NRXN1: variants seen among roughly 807,000 people sequenced by gnomAD.
The protein encoded by NRXN1 is neurexin 1.
In NRXN1, 39 loss-of-function variants were observed where a neutral mutation model predicts 150.9. The ratio of observed to expected loss-of-function variants is 0.26; its 90% CI spans 0.20 to 0.34. NRXN1 has a LOEUF of 0.34. Ranked by LOEUF, NRXN1 falls within the 10% of genes least tolerant of loss-of-function variation. The probability of loss-of-function intolerance (pLI) is 1.00; values close to 1 mark genes in which losing one functional copy is unlikely to be tolerated. For synonymous variants in NRXN1, 924 were observed against 757.0 expected (o/e 1.22, Z -3.62); for missense variants, 1,815 against 1,949.9 (o/e 0.93, Z 1.30).
chr2:50,553,314 T>A (rs1667790482), intron 8 of NRXN1, among the ~76,000 whole-genome samples: 1 of 152,358 alleles, frequency 6.6e-6, no homozygotes, highest in African/African-American at 2.4e-5. Flanking sequence ...AAAATCTGCA[T>A]ATATCTTTAA....
chr2:50,562,428 A>G (rs541064111), intron 8 of NRXN1, among the ~76,000 whole-genome samples: 2 of 152,130 alleles, frequency 1.3e-5, no homozygotes, highest in South Asian at 4.1e-4. Flanking sequence ...TGTTTTGGAT[A>G]TACCAATGTT....
intron 2 of NRXN1, among the ~76,000 whole-genome samples, chr2:50,940,638 G>A (rs1172313979): frequency 1.3e-5 from 2 of 152,096 alleles, no homozygotes; most frequent in Non-Finnish European, 2.9e-5. Context: ...CAAGATGAAA[G>A]TTGCATACTC....
intron 5 of NRXN1, among the ~76,000 whole-genome samples, chr2:50,790,369 T>C (rs1705766492): frequency 6.6e-6 from 1 of 152,182 alleles, no homozygotes; most frequent in Non-Finnish European, 1.5e-5. Flanking sequence ...GAGTCTTTCC[T>C]TTCCTCAGGC....
At chr2:50,145,525 G>A (rs140735926) in intron 18 of NRXN1, among the ~76,000 whole-genome samples, 176 of 151,554 alleles carry the variant, frequency 1.2e-3, no homozygotes, top group African/African-American at 4.0e-3. Flanking sequence ...ATATCTTCAC[G>A]CTATCTCCCC....
intron 18 of NRXN1, among the ~76,000 whole-genome samples, chr2:50,217,161 A>G (rs1430946020): frequency 6.6e-6 from 1 of 152,056 alleles, no homozygotes; most frequent in Non-Finnish European, 1.5e-5. Flanking sequence ...ACCTCCTAAT[A>G]CTATTGGTAT....
intron 2 of NRXN1, among the ~76,000 whole-genome samples, chr2:51,008,292 C>A (rs1667337938): frequency 1.3e-5 from 2 of 151,824 alleles, no homozygotes; most frequent in South Asian, 4.1e-4. Flanking sequence ...TACTTTTGAT[C>A]CTTTGTGTAT....
At chr2:50,315,500 A>C (rs1399967673) in intron 17 of NRXN1, among the ~76,000 whole-genome samples, 1 of 152,086 alleles carries the variant, frequency 6.6e-6, no homozygotes, top group Non-Finnish European at 1.5e-5. Context: ...ACACAAAACA[A>C]ATGTGCAATA....
intron 9 of NRXN1, among the ~76,000 whole-genome samples, chr2:50,551,895 A>T (rs1184722007): frequency 6.6e-6 from 1 of 151,920 alleles, no homozygotes; most frequent in Non-Finnish European, 1.5e-5. Flanking sequence ...ATTAGTCAAC[A>T]TCCTAAGCCC....
intron 17 of NRXN1, among the ~76,000 whole-genome samples, chr2:50,465,116 T>C (rs139513749): frequency 1.8e-4 from 28 of 151,918 alleles, no homozygotes; most frequent in Non-Finnish European, 7.4e-5. Context: ...TTATTTAATA[T>C]AAAACAATAT....
intron 8 of NRXN1, among the ~76,000 whole-genome samples, chr2:50,557,623 G>A (rs1668446081): frequency 6.6e-6 from 1 of 152,216 alleles, no homozygotes; most frequent in East Asian, 1.9e-4. Context: ...ACCACATTAA[G>A]GTTACTGTAA....
At chr2:50,069,722 C>T (rs1372878701) in intron 19 of NRXN1, among the ~76,000 whole-genome samples, 1 of 152,132 alleles carries the variant, frequency 6.6e-6, no homozygotes, top group African/African-American at 2.4e-5. Context: ...CAGACACACC[C>T]ACCTCTTATC....
intron 17 of NRXN1, among the ~76,000 whole-genome samples, chr2:50,291,483 A>G (rs926487516): frequency 1.3e-5 from 2 of 152,170 alleles, no homozygotes; most frequent in Non-Finnish European, 2.9e-5. Context: ...CCAGATGTTC[A>G]GCAGTGCATT....
At chr2:50,028,585 T>C (rs1488410314) in intron 21 of NRXN1, among the ~76,000 whole-genome samples, 4 of 152,212 alleles carry the variant, frequency 2.6e-5, no homozygotes, top group African/African-American at 4.8e-5. Flanking sequence ...ATCATCTGGA[T>C]AGGCAATCTC....
chr2:49,956,939 G>A (rs1435611070), intron 21 of NRXN1, among the ~76,000 whole-genome samples: 1 of 152,094 alleles, frequency 6.6e-6, no homozygotes. Context: ...TGAATGGGTA[G>A]GGGAAATTGG....
At chr2:49,943,410 A>G (rs1360779654) in intron 22 of NRXN1, among the ~76,000 whole-genome samples, 1 of 152,178 alleles carries the variant, frequency 6.6e-6, no homozygotes, top group Non-Finnish European at 1.5e-5. Context: ...AGCTCATTAT[A>G]TTGTTACACA....
At chr2:50,781,821 C>T (rs79580423) in intron 5 of NRXN1, among the ~76,000 whole-genome samples, 2,574 of 152,256 alleles carry the variant, frequency 0.017, 29 homozygotes, top group Middle Eastern at 0.041. Context: ...CAATTCGGAT[C>T]TGGCTCTGTG....
At chr2:50,467,949 T>C (rs2089077239) in intron 16 of NRXN1, among the ~76,000 whole-genome samples, 1 of 151,608 alleles carries the variant, frequency 6.6e-6, no homozygotes, top group African/African-American at 2.4e-5. Context: ...GGAAGTGGTC[T>C]ACTGATCCTT....
At chr2:50,089,830 AT>A (rs1699325841) in intron 19 of NRXN1, among the ~76,000 whole-genome samples, 1 of 152,174 alleles carries the variant, frequency 6.6e-6, no homozygotes, top group Admixed American at 6.6e-5. Context: ...AAAAATTGAA[AT>A]TGCACATTTA....
At chr2:50,886,210 T>C (rs1327307842) in intron 5 of NRXN1, among the ~76,000 whole-genome samples, 2 of 150,944 alleles carry the variant, frequency 1.3e-5, no homozygotes, top group Non-Finnish European at 3.0e-5. Flanking sequence ...CTAGATAACA[T>C]GTACTAAAAA....
Sources: allele counts gnomAD v4.1 joint callset (sites outside exome capture counted in the v4.1 genomes callset), GRCh38; gene constraint gnomAD v4.1.1; transcripts MANE v1.5; gene names NCBI Gene and HGNC (gene_info 2026-07-23, HGNC 2026-07-21).